Variants in MINDY2 observed in about 807,000 individuals in gnomAD.
MINDY2 encodes ubiquitin carboxyl-terminal hydrolase MINDY-2.
In MINDY2, 52 loss-of-function variants were observed where a neutral mutation model predicts 68.2. That is an observed-to-expected ratio of 0.76 (90% confidence interval 0.61 to 0.96). MINDY2 has a LOEUF of 0.96. Ranked by LOEUF, MINDY2 falls within the 40% of genes least tolerant of loss-of-function variation. The pLI is 0.00. For synonymous variants in MINDY2, 372 were observed against 303.0 expected, an observed-to-expected ratio of 1.23 and a Z score of -2.36; for missense variants, 881 against 773.4, an observed-to-expected ratio of 1.14 and a Z score of -1.65.
chr15:58,802,263 AAAAC>A (rs1364090936), intron 2 of MINDY2, 46 bp from the exon 3 acceptor site: 1 of 1,253,142 alleles, frequency 8.0e-7, no homozygotes, highest in East Asian at 2.4e-5. Context: ...TGTAATCAGA[AAAAC>A]AAGTTTTTAA....
chr15:58,780,520 A>T (rs1379306750), intron 1 of MINDY2, among the ~76,000 whole-genome samples: 1 of 152,220 alleles, frequency 6.6e-6, no homozygotes, highest in East Asian at 1.9e-4. Flanking sequence ...GGGAAGATAA[A>T]GTTCAAGATA....
chr15:58,820,988 T>C (rs1729839369), intron 4 of MINDY2, among the ~76,000 whole-genome samples: 1 of 151,204 alleles, frequency 6.6e-6, no homozygotes, highest in South Asian at 2.1e-4. Flanking sequence ...GGCAACTATA[T>C]AAGTTGTTTA....
intron 1 of MINDY2, among the ~76,000 whole-genome samples, chr15:58,784,832 C>T (rs1432680402): frequency 6.6e-6 from 1 of 151,394 alleles, no homozygotes; most frequent in African/African-American, 2.4e-5. Flanking sequence ...ACATGGTCTC[C>T]CTGTATTGCT....
At chr15:58,802,105 C>CG (rs1555430195) in intron 2 of MINDY2, among the ~76,000 whole-genome samples, 1 of 151,874 alleles carries the variant, frequency 6.6e-6, no homozygotes, top group Non-Finnish European at 1.5e-5. Flanking sequence ...GTAAAAAGTT[C>CG]AAAGCACTAT....
chr15:58,782,491 T>G (rs1340075055), intron 1 of MINDY2, among the ~76,000 whole-genome samples: 1 of 152,216 alleles, frequency 6.6e-6, no homozygotes, highest in Non-Finnish European at 1.5e-5. Context: ...TAATCTTCAC[T>G]TGCCAAATTT....
chr15:58,810,497 G>T, intron 4 of MINDY2, 109 bp downstream of exon 4: 2 of 1,136,790 alleles, frequency 1.8e-6, no homozygotes. Flanking sequence ...TTGTACTTTT[G>T]CCTGGAATTA....
intron 6 of MINDY2, among the ~76,000 whole-genome samples, chr15:58,844,541 C>T (rs2032433601): frequency 8.5e-6 from 1 of 117,564 alleles, no homozygotes; most frequent in African/African-American, 3.4e-5. Context: ...GCCTGGGCGA[C>T]AGAGCGAGAC....
In MINDY2 at chr15:58,826,787, G is replaced by T. The variant is rs564060554; in HGVS notation, c.1225+4968G>T. 3.9e-5 allele frequency among the ~76,000 whole-genome samples: 6 copies of T among 152,052 alleles called. 1 individual carries two copies. The South Asian group carries it at 1.2e-3, about 32-fold the overall frequency. On this transcript the variant is annotated intron_variant, in intron 5 of 8. Transcript: ENST00000559228. ...TTTTTCAATGGAGGCTCCAATTATG[G>T]ATCATTTAGTTGTCACATCTCTTTA...
At chr15:58,840,862 T>C (rs1209371465) in intron 6 of MINDY2, among the ~76,000 whole-genome samples, 5 of 143,354 alleles carry the variant, frequency 3.5e-5, no homozygotes, top group Non-Finnish European at 6.1e-5. Context: ...TAGAGATGGG[T>C]TTTCACCGTG....
chr15:58,817,349 T>C (rs1172338878), intron 4 of MINDY2, among the ~76,000 whole-genome samples: 2 of 152,188 alleles, frequency 1.3e-5, no homozygotes, highest in Non-Finnish European at 2.9e-5. Flanking sequence ...AATGAACATA[T>C]GAATTGGTCA....
rs1186434349 is a variant in MINDY2 at position 58,861,381 on chromosome 15, T to C, written c.*6771T>C. ...ATGAGTGCCTATTTTTTCCTCCTCC[T>C]TTCATTTTTTATCTTAATACCCATT... On this transcript the variant is annotated 3_prime_UTR_variant, in exon 9 of 9. Coordinates refer to ENST00000559228, the MANE Select transcript of MINDY2 (RefSeq NM_001040450.3). 6.6e-6 allele frequency: 1 copy of C among 152,168 alleles called. No homozygotes were observed. Among genetic ancestry groups the C allele is most frequent in the Non-Finnish European group, 1.5e-5 (1 of 68,022 alleles). 9.4% of individuals were successfully genotyped at this position (152,168 alleles called of 1,614,324 possible).
At chr15:58,838,743 C>T (rs1365648645) in intron 6 of MINDY2, among the ~76,000 whole-genome samples, 1 of 151,826 alleles carries the variant, frequency 6.6e-6, no homozygotes, top group Non-Finnish European at 1.5e-5. Flanking sequence ...GGTACCACCA[C>T]TCCTGGCTTA....
At chr15:58,831,610 A>C (rs2031729849) in intron 5 of MINDY2, among the ~76,000 whole-genome samples, 164 bp from the exon 6 acceptor site, 2 of 152,224 alleles carry the variant, frequency 1.3e-5, no homozygotes, top group Non-Finnish European at 2.9e-5. Context: ...TTCATTGCAA[A>C]ATTAAAAACA....
intron 1 of MINDY2, among the ~76,000 whole-genome samples, chr15:58,777,811 CG>C (rs1246438517): frequency 6.6e-6 from 1 of 151,884 alleles, no homozygotes; most frequent in Admixed American, 6.6e-5. Flanking sequence ...TTTATGGAGA[CG>C]GGGTCTCACT....
chr15:58,839,830 T>C (rs992880681), intron 6 of MINDY2, among the ~76,000 whole-genome samples: 13 of 143,132 alleles, frequency 9.1e-5, no homozygotes, highest in African/African-American at 2.8e-4. Flanking sequence ...TGATTTTATC[T>C]TTTTTTTTTT....
At chr15:58,847,493 A>T (rs1228019051) in intron 7 of MINDY2, 23 bp downstream of exon 7, 1 of 1,499,954 alleles carries the variant, frequency 6.7e-7, no homozygotes, top group South Asian at 1.4e-5. Flanking sequence ...TGTCGTCTTT[A>T]TAGTGGTTAA....
Position 58,795,406 on chromosome 15 carries a change from TG to T in MINDY2, c.899-6906del, listed in dbSNP as rs565053928. Among the ~76,000 whole-genome samples, 793 of 152,028 alleles carry T rather than the reference TG, an allele frequency of 5.2e-3. 8 individuals are homozygous for T. Among genetic ancestry groups the T allele is most frequent in the African/African-American group, 0.018 (758 of 41,474 alleles). On this transcript the variant is annotated intron_variant, in intron 2 of 8. Transcript: ENST00000559228. ...TGTAGATATATAGTATGTGTTATTT[TG>T]TTTTGTTTTGTTTTTTGAGACGGAG...
chr15:58,820,997 T>G (rs897759331), intron 4 of MINDY2, among the ~76,000 whole-genome samples: 12 of 151,290 alleles, frequency 7.9e-5, no homozygotes, highest in African/African-American at 2.9e-4. Context: ...ATAAGTTGTT[T>G]AGACAGTAGA....
In MINDY2 at chr15:58,800,683, G is replaced by C. The variant is rs541444974; in HGVS notation, c.899-1630G>C. Among the ~76,000 whole-genome samples the C allele has an allele frequency of 3.1e-3, 443 of 143,146 alleles. 2 individuals are homozygous for C. Among genetic ancestry groups the C allele is most frequent in the African/African-American group, 0.011 (423 of 38,734 alleles). 93.9% of individuals were successfully genotyped at this position (143,146 alleles called of 152,430 possible). The stretch of plus-strand genomic sequence containing the variant: ...TTTAGCTTTTTTTTTTTTTTGAAAC[G>C]ATTAGCCAGGTGTGGTGGTGCGTGT... On this transcript the variant is annotated intron_variant, in intron 2 of 8. Coordinates refer to ENST00000559228, the MANE Select transcript of MINDY2 (RefSeq NM_001040450.3).
Sources: gnomAD v4.1 joint callset for allele counts (sites outside exome capture counted in the v4.1 genomes callset) on GRCh38, gnomAD v4.1.1 for gene constraint, MANE v1.5 for transcripts, NCBI Gene and HGNC (gene_info 2026-07-23, HGNC 2026-07-21) for gene names.